Variants in YAF2 observed in about 807,000 individuals in gnomAD.
YAF2 encodes the protein YY1-associated factor 2.
In YAF2, 7 loss-of-function variants were observed where a neutral mutation model predicts 20.1. The observed-to-expected ratio is 0.35, with a 90% CI of 0.20 to 0.65. The LOEUF is 0.65. YAF2 is among the 30% of genes least tolerant of loss of function. The pLI, the probability that YAF2 is intolerant of heterozygous loss-of-function variation, is 0.69. For missense variants in YAF2, 151 were observed against 219.2 expected (o/e 0.69, Z 1.96); for synonymous variants, 74 against 76.0 (o/e 0.97, Z 0.14).
At chr12:42,228,431 G>A (rs1234053844) in intron 2 of YAF2, among the ~76,000 whole-genome samples, 4 of 61,588 alleles carry the variant, frequency 6.5e-5, no homozygotes, top group South Asian at 8.0e-4. Context: ...GAGGTGGGGG[G>A]GTCAGCCCCC....
intron 2 of YAF2, chr12:42,199,113 G>T: frequency 8.1e-7 from 1 of 1,229,956 alleles, no homozygotes; most frequent in Non-Finnish European, 1.1e-6. Flanking sequence ...ATGATTTTAA[G>T]GTGAAAAACA....
intron 2 of YAF2, among the ~76,000 whole-genome samples, chr12:42,220,609 T>C (rs1344547392): frequency 6.6e-6 from 1 of 152,168 alleles, no homozygotes; most frequent in Non-Finnish European, 1.5e-5. Flanking sequence ...ACTCCACAAA[T>C]GCACCAAGAG....
Position 42,194,438 on chromosome 12 carries a change from G to A in YAF2, c.153-32673C>T, listed in dbSNP as rs147027447. On this transcript the variant is annotated intron_variant, in intron 2 of 3. Coordinates refer to ENST00000534854, the MANE Select transcript of YAF2 (RefSeq NM_005748.6). ...ACAGGCAGATCACCTGAGGTCAGGA[G>A]TTCGAGACCAGTCTGGCCAACACGG... 3.7e-4 allele frequency among the ~76,000 whole-genome samples: 56 copies of A among 152,258 alleles called. 1 individual carries two copies. In the East Asian group the frequency reaches 9.5e-3, roughly 26 times the overall value.
intron 2 of YAF2, among the ~76,000 whole-genome samples, chr12:42,176,501 A>C (rs2066197091): frequency 6.6e-6 from 1 of 152,174 alleles, no homozygotes; most frequent in African/African-American, 2.4e-5. Flanking sequence ...CTAGCACTTC[A>C]TTCTTCCAGT....
intron 2 of YAF2, chr12:42,212,558 A>C: frequency 1.6e-5 from 5 of 314,390 alleles, no homozygotes; most frequent in South Asian, 1.2e-4. Flanking sequence ...TGAATAAATG[A>C]AAGAAAACAA....
chr12:42,226,700 T>C (rs1366584374), intron 2 of YAF2, among the ~76,000 whole-genome samples: 1 of 152,210 alleles, frequency 6.6e-6, no homozygotes, highest in Non-Finnish European at 1.5e-5. Flanking sequence ...AAACGATTTA[T>C]ACCTACAACT....
rs539718739 is a variant in YAF2 at position 42,230,262 on chromosome 12, A to AAAGAAAGAG, written c.152+7328_152+7336dup. Among the ~76,000 whole-genome samples, 1,495 of 150,166 alleles carry AAAGAAAGAG rather than the reference A, an allele frequency of 1.0e-2. 31 individuals carry two copies. The highest frequency in any genetic ancestry group is 0.036 in the African/African-American group (1,407 of 39,548). ...CAGAGCAAGACTCCTTCAAGAAAGAAAAGAAAGAGAAGAAAGAGAAGAAAG... is the reference window on the plus strand; with the variant it reads ...CAGAGCAAGACTCCTTCAAGAAAGAAAAGAAAGAGAAGAAAGAGAAGAAAGAGAAGAAAG... On this transcript the variant is annotated intron_variant, in intron 2 of 3. Transcript: ENST00000534854.
rs770998921 is a variant in YAF2 at position 42,161,640 on chromosome 12, C to T, written c.278G>A (p.Ser93Asn). 3 of 1,597,184 alleles carry T rather than the reference C, an allele frequency of 1.9e-6. No homozygotes were observed. The South Asian group carries it at 3.4e-5, about 18-fold the overall frequency. The change falls in exon 3 of 4, where the codon AGC (serine) becomes AAC (asparagine). Residue 93 changes from serine to asparagine, a missense_variant. Coordinates refer to ENST00000534854, the MANE Select transcript of YAF2 (RefSeq NM_005748.6). ...GGTTTTCTTATGGCTATTCTTTTTG[C>T]TAGTTGTTTCCTTTTCACTTTTTTC... Reference protein sequence around the residue: ...EKEKSEKETTSKKNSHKKTRP... With the variant: ...EKEKSEKETTNKKNSHKKTRP...
chr12:42,199,060 G>T, intron 2 of YAF2: 3 of 743,210 alleles, frequency 4.0e-6, no homozygotes, highest in Non-Finnish European at 5.6e-6. Flanking sequence ...AATATTGTTT[G>T]TTCCTTTAGT....
intron 2 of YAF2, among the ~76,000 whole-genome samples, chr12:42,171,620 G>A (rs1464871225): frequency 1.3e-5 from 2 of 152,100 alleles, no homozygotes; most frequent in Non-Finnish European, 2.9e-5. Flanking sequence ...AAAAGGGCCA[G>A]AACTGGGTAT....
intron 2 of YAF2, among the ~76,000 whole-genome samples, chr12:42,214,849 T>C (rs374646310): frequency 3.3e-5 from 5 of 151,540 alleles, no homozygotes; most frequent in Admixed American, 2.6e-4. Flanking sequence ...ACTAAAAATA[T>C]GGAAATTAAC....
intron 2 of YAF2, among the ~76,000 whole-genome samples, chr12:42,219,122 T>C (rs117387064): frequency 0.037 from 5,592 of 152,250 alleles, 144 homozygotes; most frequent in Middle Eastern, 0.078. Flanking sequence ...TAATAAAATA[T>C]ATAATGGCAT....
chr12:42,235,900 C>G, intron 2 of YAF2: 2 of 1,536,122 alleles, frequency 1.3e-6, no homozygotes, highest in Non-Finnish European at 1.7e-6. Context: ...TGTTTCTTCT[C>G]TTCTGAGCTG....
intron 2 of YAF2, among the ~76,000 whole-genome samples, chr12:42,213,559 C>G (rs756162923): frequency 2.7e-4 from 41 of 152,190 alleles, no homozygotes; most frequent in Admixed American, 1.3e-4. Flanking sequence ...CTCAAGCCAA[C>G]TTGAGTGGCT....
intron 2 of YAF2, among the ~76,000 whole-genome samples, chr12:42,198,100 T>C (rs1198063178): frequency 1.3e-5 from 2 of 152,086 alleles, no homozygotes; most frequent in African/African-American, 2.4e-5. Flanking sequence ...GAGTGAAATG[T>C]TGGGCCTCAC....
At chr12:42,168,167 A>G (rs1489086932) in intron 2 of YAF2, among the ~76,000 whole-genome samples, 1 of 151,864 alleles carries the variant, frequency 6.6e-6, no homozygotes, top group Non-Finnish European at 1.5e-5. Flanking sequence ...CAAGAAAAGA[A>G]AGACAGCATT....
At chr12:42,222,093 A>G (rs979574856) in intron 2 of YAF2, among the ~76,000 whole-genome samples, 1 of 152,238 alleles carries the variant, frequency 6.6e-6, no homozygotes, top group Non-Finnish European at 1.5e-5. Flanking sequence ...CACAGCTCAT[A>G]TAACAAAAGG....
chr12:42,161,081 T>C, intron 3 of YAF2: 1 of 435,570 alleles, frequency 2.3e-6, no homozygotes, highest in Non-Finnish European at 4.1e-6. Flanking sequence ...TCTATAGCTG[T>C]ATCATAATTT....
At position 42,179,196 on chromosome 12, in the gene YAF2, G is replaced by A. The variant is rs186559432; in HGVS notation, c.153-17431C>T. On this transcript the variant is annotated intron_variant, in intron 2 of 3. Transcript: ENST00000534854. ...ATTCTAATGTGCAGTGAGGCTGGGTGCATTGGCTCACACCTGTAATCCCAG... is the reference window on the plus strand; with the variant it reads ...ATTCTAATGTGCAGTGAGGCTGGGTACATTGGCTCACACCTGTAATCCCAG... Among the ~76,000 whole-genome samples the A allele has an allele frequency of 9.3e-4, 141 of 152,298 alleles. 1 individual carries two copies. The Middle Eastern group carries it at 0.01, about 11-fold the overall frequency.
Sources: allele counts gnomAD v4.1 joint callset (sites outside exome capture counted in the v4.1 genomes callset), GRCh38; gene constraint gnomAD v4.1.1; transcripts MANE v1.5; gene names NCBI Gene and HGNC (gene_info 2026-07-23, HGNC 2026-07-21).